Variants in XKR4 observed in about 807,000 individuals in gnomAD.
The protein encoded by XKR4 is XK related 4.
XKR4 carries 12 observed loss-of-function variants against 53.9 expected under a neutral mutation model. The observed-to-expected ratio is 0.22, with a 90% CI of 0.14 to 0.36. The LOEUF (loss-of-function observed/expected upper bound fraction) is 0.36. Among genes scored for constraint, XKR4 ranks in the 10% least tolerant of loss-of-function variants. The pLI, the probability that XKR4 is intolerant of heterozygous loss-of-function variation, is 1.00. For synonymous variants in XKR4, 354 were observed against 362.4 expected (o/e 0.98, Z 0.26); for missense variants, 799 against 859.5 (o/e 0.93, Z 0.88).
chr8:55,451,171 AC>A (rs1374226635), intron 2 of XKR4: 6 of 542,228 alleles, frequency 1.1e-5, no homozygotes, highest in African/African-American at 5.8e-5. Flanking sequence ...GCCGGGGGAC[AC>A]CCGTTGGCCT....
chr8:55,420,753 T>C (rs575177530), intron 2 of XKR4, among the ~76,000 whole-genome samples: 145 of 151,756 alleles, frequency 9.6e-4, no homozygotes, highest in Middle Eastern at 3.4e-3. Flanking sequence ...ACCTGCACAT[T>C]GTGCACGTGT....
intron 1 of XKR4, among the ~76,000 whole-genome samples, chr8:55,168,189 T>C (rs976126490): frequency 2.6e-5 from 4 of 152,240 alleles, no homozygotes; most frequent in African/African-American, 9.6e-5. Flanking sequence ...AATCTGGAAC[T>C]CTTCTATTGG....
intron 1 of XKR4, among the ~76,000 whole-genome samples, chr8:55,132,611 T>C (rs570700757): frequency 2.0e-5 from 3 of 152,206 alleles, no homozygotes; most frequent in Non-Finnish European, 4.4e-5. Context: ...GAGAGACTAC[T>C]GTGCCTGACT....
rs1264748705 is a variant in XKR4, at chr8:55,133,813, A to AT, written c.806+30523dup. 2.0e-5 allele frequency among the ~76,000 whole-genome samples: 3 copies of AT among 152,330 alleles called. No homozygotes were observed. The East Asian group carries it at 5.8e-4, about 29-fold the overall frequency. On this transcript the variant is annotated intron_variant, in intron 1 of 2. Transcript: ENST00000327381. ...GACAGGGAGAATTACATTGCACTTA[A>AT]TTTTATCTGAATATTTAATCACCAA... is the stretch of plus-strand genomic sequence containing the variant.
intron 1 of XKR4, among the ~76,000 whole-genome samples, chr8:55,340,569 T>C (rs182666852): frequency 6.6e-6 from 1 of 152,232 alleles, no homozygotes; most frequent in East Asian, 1.9e-4. Context: ...CTGACACCAG[T>C]GATCCCAAAG....
At chr8:55,362,894 T>A (rs948518960) in intron 2 of XKR4, among the ~76,000 whole-genome samples, 1 of 152,172 alleles carries the variant, frequency 6.6e-6, no homozygotes, top group Non-Finnish European at 1.5e-5. Flanking sequence ...CAGAACACCA[T>A]GTAGAATCAC....
intron 1 of XKR4, among the ~76,000 whole-genome samples, chr8:55,210,536 T>C (rs1297460003): frequency 6.6e-6 from 1 of 152,224 alleles, no homozygotes; most frequent in Non-Finnish European, 1.5e-5. Context: ...CTTTCTCCCA[T>C]GAATAAAATG....
intron 1 of XKR4, among the ~76,000 whole-genome samples, chr8:55,105,758 A>G (rs1195039999): frequency 6.6e-6 from 1 of 152,198 alleles, no homozygotes; most frequent in Admixed American, 6.5e-5. Flanking sequence ...TTTATGAAGT[A>G]TATTTTTCAA....
intron 1 of XKR4, among the ~76,000 whole-genome samples, chr8:55,285,574 G>A (rs751265690): frequency 6.6e-6 from 1 of 152,184 alleles, no homozygotes; most frequent in East Asian, 1.9e-4. Context: ...GATATATTTA[G>A]AGCAAGGCTT....
chr8:55,460,451 A>G (rs1465672308), intron 2 of XKR4, among the ~76,000 whole-genome samples: 3 of 152,256 alleles, frequency 2.0e-5, no homozygotes, highest in African/African-American at 7.2e-5. Context: ...CTGTTTTAGA[A>G]ACCAATAGAT....
At chr8:55,113,738 C>A (rs1816265430) in intron 1 of XKR4, among the ~76,000 whole-genome samples, 1 of 152,116 alleles carries the variant, frequency 6.6e-6, no homozygotes, top group African/African-American at 2.4e-5. Flanking sequence ...ACCCTCCCAC[C>A]TTTTGGAGTC....
intron 2 of XKR4, among the ~76,000 whole-genome samples, chr8:55,379,797 G>A (rs369668207): frequency 1.3e-5 from 2 of 152,202 alleles, no homozygotes; most frequent in East Asian, 3.8e-4. Context: ...GGTGGGTCCT[G>A]GGGCAGAGGC....
chr8:55,179,536 T>C (rs1563476455), intron 1 of XKR4, among the ~76,000 whole-genome samples: 1 of 152,214 alleles, frequency 6.6e-6, no homozygotes, highest in Non-Finnish European at 1.5e-5. Flanking sequence ...GATTTTTAAA[T>C]AGCCGAAGTG....
intron 2 of XKR4, among the ~76,000 whole-genome samples, chr8:55,504,260 T>G (rs945916168): frequency 3.3e-5 from 5 of 152,048 alleles, no homozygotes; most frequent in African/African-American, 1.2e-4. Context: ...TCGCCCAGGC[T>G]GGAGTGCAGT....
chr8:55,497,600 C>T (rs934639727), intron 2 of XKR4, among the ~76,000 whole-genome samples: 2 of 152,200 alleles, frequency 1.3e-5, no homozygotes, highest in East Asian at 1.9e-4. Flanking sequence ...CAGGCAAGAC[C>T]TTTGGCATCA....
intron 2 of XKR4, among the ~76,000 whole-genome samples, chr8:55,440,667 G>T (rs1805251197): frequency 6.6e-6 from 1 of 151,992 alleles, no homozygotes; most frequent in South Asian, 2.1e-4. Flanking sequence ...GAAAACAAGA[G>T]CCCAAAAGAG....
In XKR4 at chr8:55,533,118, T is replaced by C. The variant is rs1659969231; in HGVS notation, c.*8891T>C. 6.6e-6 allele frequency: 1 copy of C among 152,218 alleles called. No homozygotes were observed. The highest frequency in any genetic ancestry group is 1.5e-5 in the Non-Finnish European group (1 of 68,044). 9.4% of individuals were successfully genotyped at this position (152,218 alleles called of 1,614,324 possible). ...GAAAATATAGTTTGAGTTTCTATGA[T>C]TGTAATCAAAATTCCTATTTTGATC... On this transcript the variant is annotated 3_prime_UTR_variant, in exon 3 of 3. Transcript: ENST00000327381.
intron 1 of XKR4, among the ~76,000 whole-genome samples, chr8:55,301,756 A>G (rs375133168): frequency 5.3e-5 from 8 of 152,046 alleles, no homozygotes; most frequent in Non-Finnish European, 8.8e-5. Context: ...GTGATGATGA[A>G]CATTTTTTCA....
At chr8:55,233,642 T>C (rs1472576771) in intron 1 of XKR4, among the ~76,000 whole-genome samples, 1 of 152,246 alleles carries the variant, frequency 6.6e-6, no homozygotes, top group East Asian at 1.9e-4. Context: ...ATATTTGTCA[T>C]GGGGGATGGG....
Sources: allele counts gnomAD v4.1 joint callset (sites outside exome capture counted in the v4.1 genomes callset), GRCh38; gene constraint gnomAD v4.1.1; transcripts MANE v1.5; gene names NCBI Gene and HGNC (gene_info 2026-07-23, HGNC 2026-07-21).